AKR1C3: variants seen among roughly 807,000 people sequenced by gnomAD.
The protein encoded by AKR1C3 is 3-alpha hydroxysteroid dehydrogenase, type II.
Under a neutral mutation model 43.6 loss-of-function variants are expected in AKR1C3, and 48 were observed. The ratio of observed to expected loss-of-function variants is 1.10; its 90% confidence interval spans 0.87 to 1.40. AKR1C3 has a LOEUF of 1.40. Ranked by LOEUF, AKR1C3 falls within the 40% of genes most tolerant of loss-of-function variation. AKR1C3 has a pLI of 0.00. For synonymous variants in AKR1C3, 162 were observed against 139.6 expected, an observed-to-expected ratio of 1.16 and a Z score of -1.13; for missense variants, 482 against 391.2, an observed-to-expected ratio of 1.23 and a Z score of -1.96.
intron 1 of AKR1C3, among the ~76,000 whole-genome samples, chr10:5,064,029 T>TCAC (rs1554780555): frequency 2.6e-5 from 4 of 152,192 alleles, no homozygotes; most frequent in Non-Finnish European, 5.9e-5. Context: ...GGAATCTATT[T>TCAC]CACCAAACCA....
At chr10:5,059,845 T>G (rs1838344927) in intron 1 of AKR1C3, among the ~76,000 whole-genome samples, 1 of 152,178 alleles carries the variant, frequency 6.6e-6, no homozygotes, top group Admixed American at 6.5e-5. Context: ...CGCCAAAATG[T>G]GTCCAGAAAT....
intron 1 of AKR1C3, among the ~76,000 whole-genome samples, chr10:5,059,499 G>C: frequency 6.6e-6 from 1 of 152,106 alleles, no homozygotes; most frequent in East Asian, 1.9e-4. Context: ...TTGACCCTTG[G>C]CTCAGCCCAG....
chr10:5,049,372 G>C (rs377175584), intron 1 of AKR1C3, among the ~76,000 whole-genome samples: 1 of 152,152 alleles, frequency 6.6e-6, no homozygotes, highest in African/African-American at 2.4e-5. Flanking sequence ...ATGCGGCCTT[G>C]AGCACCACAT....
intron 1 of AKR1C3, among the ~76,000 whole-genome samples, chr10:5,049,483 A>G (rs1838107824): frequency 6.6e-6 from 1 of 152,240 alleles, no homozygotes; most frequent in Non-Finnish European, 1.5e-5. Context: ...AAGAGAAAAG[A>G]AAAAACGACT....
chr10:5,105,440 T>TATTC, intron 7 of AKR1C3, 155 bp from the exon 8 acceptor site: 1 of 547,054 alleles, frequency 1.8e-6, no homozygotes, highest in South Asian at 2.7e-5. Flanking sequence ...TTTCGTGAGC[T>TATTC]ATTCATTGAC....
chr10:5,055,878 G>A (rs1264877861), intron 1 of AKR1C3, among the ~76,000 whole-genome samples: 6 of 152,208 alleles, frequency 3.9e-5, no homozygotes, highest in Non-Finnish European at 7.3e-5. Flanking sequence ...GGCAAAAGCC[G>A]GTAATTCCAA....
chr10:5,071,001 A>G (rs1838603787), intron 1 of AKR1C3, among the ~76,000 whole-genome samples: 1 of 152,148 alleles, frequency 6.6e-6, no homozygotes, highest in Non-Finnish European at 1.5e-5. Context: ...CTTTGCTTCT[A>G]TGGGGTGGTA....
At chr10:5,106,883 T>G (rs1554787365) in intron 8 of AKR1C3, among the ~76,000 whole-genome samples, 1 of 148,262 alleles carries the variant, frequency 6.7e-6, no homozygotes, top group African/African-American at 2.5e-5. Flanking sequence ...GTAGATATCA[T>G]TGTTAATATT....
chr10:5,063,791 G>GAAAAAAAAAAAAAAAAAAA lies in AKR1C3; in HGVS notation c.84+14900_84+14901insAAAAAAAAAAAAAAAAAAA, dbSNP rs1554780518. ...AAAAAAAAAAAAAAAAAAAAAAAAGGAAAATGGCACAAGTAACTCTTTCCC... is the reference window on the plus strand; with the variant it reads ...AAAAAAAAAAAAAAAAAAAAAAAAGGAAAAAAAAAAAAAAAAAAAAAAATGGCACAAGTAACTCTTTCCC... On this transcript the variant is annotated intron_variant, in intron 1 of 8. Coordinates refer to the AKR1C3 transcript ENST00000439082. 3.8e-3 allele frequency among the ~76,000 whole-genome samples: 279 copies of GAAAAAAAAAAAAAAAAAAA among 72,620 alleles called. 1 individual carries two copies. The highest frequency in any genetic ancestry group is 6.0e-3 in the Middle Eastern group (1 of 168). 47.6% of individuals were successfully genotyped at this position (72,620 alleles called of 152,430 possible).
chr10:5,064,955 T>G (rs1838467957), intron 1 of AKR1C3, among the ~76,000 whole-genome samples: 1 of 147,406 alleles, frequency 6.8e-6, no homozygotes, highest in South Asian at 2.1e-4. Context: ...GGAAAATACA[T>G]GAACAGATGT....
chr10:5,086,775 A>T (rs1166552784), intron 1 of AKR1C3, among the ~76,000 whole-genome samples: 1 of 152,176 alleles, frequency 6.6e-6, no homozygotes, highest in Non-Finnish European at 1.5e-5. Context: ...TTGGATGCAT[A>T]TATATTTAGG....
chr10:5,085,597 G>C (rs1588347540), intron 1 of AKR1C3, among the ~76,000 whole-genome samples: 1 of 152,002 alleles, frequency 6.6e-6, no homozygotes, highest in South Asian at 2.1e-4. Flanking sequence ...CATTAAATGA[G>C]TTAGGGAGGA....
At chr10:5,082,182 T>G (rs1838852051) in intron 1 of AKR1C3, among the ~76,000 whole-genome samples, 1 of 152,170 alleles carries the variant, frequency 6.6e-6, no homozygotes, top group South Asian at 2.1e-4. Context: ...CTAGGAGTCT[T>G]TTTGAGGAAC....
chr10:5,048,993 T>A (rs529091442), intron 1 of AKR1C3: 4 of 908,646 alleles, frequency 4.4e-6, no homozygotes, highest in South Asian at 4.2e-5. Flanking sequence ...TGTATTACTC[T>A]GCATGACTCC....
chr10:5,074,845 A>G (rs1349048752), intron 1 of AKR1C3, among the ~76,000 whole-genome samples: 2 of 152,152 alleles, frequency 1.3e-5, no homozygotes, highest in East Asian at 3.9e-4. Flanking sequence ...CCACAGACAC[A>G]AATGCATTTC....
chr10:5,084,792 C>G (rs540733283), intron 1 of AKR1C3, among the ~76,000 whole-genome samples: 12 of 152,260 alleles, frequency 7.9e-5, no homozygotes, highest in East Asian at 3.9e-4. Flanking sequence ...AGGTCCTTCA[C>G]ATCCCTTGTA....
chr10:5,084,952 G>A lies in AKR1C3; in HGVS notation c.85-11458G>A, dbSNP rs563580601. 1.5e-3 allele frequency among the ~76,000 whole-genome samples: 225 copies of A among 152,240 alleles called. 1 individual carries two copies. Among genetic ancestry groups the A allele is most frequent in the African/African-American group, 5.1e-3 (212 of 41,520 alleles). On this transcript the variant is annotated intron_variant, in intron 1 of 8. Coordinates refer to the AKR1C3 transcript ENST00000439082. ...TGTATCCTGAGACTTTGCTGAAGTT[G>A]CTTATCAGCTTGAGGAGATTTTGGG...
intron 1 of AKR1C3, among the ~76,000 whole-genome samples, chr10:5,087,564 C>T (rs1465635015): frequency 2.0e-5 from 3 of 151,466 alleles, no homozygotes; most frequent in Admixed American, 6.6e-5. Context: ...TTAGTAGAGG[C>T]GGGGTTTCAC....
Position 5,069,001 on chromosome 10 carries a change from G to A in AKR1C3, c.84+20106G>A, listed in dbSNP as rs376885787. On this transcript the variant is annotated intron_variant, in intron 1 of 8. Transcript: ENST00000439082. ...TATTTTACCAATAATCTTTAAAACT[G>A]TTTATTTCCTAAAGATTACTCAAGT... Among the ~76,000 whole-genome samples, 14 of 152,230 alleles carry A rather than the reference G, an allele frequency of 9.2e-5. No homozygotes were observed. The South Asian group carries it at 2.9e-3, about 32-fold the overall frequency.
Sources: gnomAD v4.1 joint callset for allele counts (sites outside exome capture counted in the v4.1 genomes callset) on GRCh38, gnomAD v4.1.1 for gene constraint, MANE v1.5 for transcripts, NCBI Gene and HGNC (gene_info 2026-07-23, HGNC 2026-07-21) for gene names.